CSMD1: variants seen among roughly 807,000 people sequenced by gnomAD.
The protein encoded by CSMD1 is CUB and Sushi multiple domains 1, also known as CUB and sushi domain-containing protein 1.
Under a neutral mutation model 417.5 loss-of-function variants are expected in CSMD1, and 213 were observed. That is an observed-to-expected ratio of 0.51 (90% confidence interval 0.46 to 0.57). The LOEUF is 0.57. CSMD1 is among the 20% of genes least tolerant of loss of function. The pLI is 0.00. For missense variants in CSMD1, 6,923 were observed against 4,529.7 expected, an observed-to-expected ratio of 1.53 and a Z score of -15.17; for synonymous variants, 2,862 against 1,736.8, an observed-to-expected ratio of 1.65 and a Z score of -16.11.
chr8:3,102,713 T>A (rs1815849429), intron 46 of CSMD1, among the ~76,000 whole-genome samples: 1 of 152,122 alleles, frequency 6.6e-6, no homozygotes, highest in Non-Finnish European at 1.5e-5. Context: ...CAGTTACATA[T>A]TAAAAGCTGA....
At chr8:4,078,591 T>C (rs1324266117) in intron 3 of CSMD1, among the ~76,000 whole-genome samples, 1 of 151,220 alleles carries the variant, frequency 6.6e-6, no homozygotes, top group Non-Finnish European at 1.5e-5. Flanking sequence ...ACATAAAATC[T>C]TCGTTATGAA....
At chr8:4,008,185 C>G (rs576431697) in intron 4 of CSMD1, among the ~76,000 whole-genome samples, 1 of 152,176 alleles carries the variant, frequency 6.6e-6, no homozygotes, top group South Asian at 2.1e-4. Context: ...TATGAGCAAG[C>G]TACAGGGCAG....
At chr8:4,683,915 G>T (rs531332235) in intron 1 of CSMD1, among the ~76,000 whole-genome samples, 5 of 152,192 alleles carry the variant, frequency 3.3e-5, no homozygotes, top group Non-Finnish European at 5.9e-5. Flanking sequence ...AGATATGTGA[G>T]CAGCATGTCA....
chr8:4,066,522 C>G (rs922198383), intron 3 of CSMD1, among the ~76,000 whole-genome samples: 2 of 152,090 alleles, frequency 1.3e-5, no homozygotes, highest in Non-Finnish European at 2.9e-5. Context: ...TGTATTATTT[C>G]TAAATGTATC....
intron 39 of CSMD1, 108 bp from the exon 40 acceptor site, chr8:3,151,621 T>C (rs1819201816): frequency 1.5e-6 from 1 of 682,864 alleles, no homozygotes; most frequent in South Asian, 1.8e-5. Context: ...GTCTTCGGAG[T>C]TAATTCTGCC....
At chr8:4,788,026 C>T in intron 1 of CSMD1, 1 of 1,589,562 alleles carries the variant, frequency 6.3e-7, no homozygotes, top group Non-Finnish European at 8.6e-7. Context: ...GAAGTAACTC[C>T]TGAAGGGCTC....
chr8:4,284,002 G>A (rs1398738920), intron 3 of CSMD1, among the ~76,000 whole-genome samples: 1 of 151,960 alleles, frequency 6.6e-6, no homozygotes, highest in African/African-American at 2.4e-5. Context: ...GGAGGCCGAG[G>A]AAGGTGAATC....
chr8:3,286,132 C>T (rs1011791294), intron 25 of CSMD1, among the ~76,000 whole-genome samples: 2 of 152,112 alleles, frequency 1.3e-5, no homozygotes, highest in South Asian at 2.1e-4. Flanking sequence ...CAGCTTCATC[C>T]ATGTCCCTAC....
At position 3,502,579 on chromosome 8, in the gene CSMD1, A is replaced by G. The variant is rs1585263705; in HGVS notation, c.1345-8853T>C. Among the ~76,000 whole-genome samples the G allele has an allele frequency of 2.0e-5, 3 of 152,172 alleles. No homozygotes were observed. In the South Asian group the frequency reaches 6.2e-4, roughly 32 times the overall value. Reference sequence around the variant, plus strand: ...ATGAGAAAACATGGGGGAAAACTAAATATATTTTACCAAGTGAAACAAGCC... The same window carrying G: ...ATGAGAAAACATGGGGGAAAACTAAGTATATTTTACCAAGTGAAACAAGCC... On this transcript the variant is annotated intron_variant, in intron 10 of 69. Coordinates refer to ENST00000635120, the MANE Select transcript of CSMD1 (RefSeq NM_033225.6).
chr8:4,280,358 T>G (rs796473394), intron 3 of CSMD1, among the ~76,000 whole-genome samples: 4 of 152,162 alleles, frequency 2.6e-5, no homozygotes, highest in Non-Finnish European at 4.4e-5. Flanking sequence ...TTCTAATAAA[T>G]AATAATTGAA....
At chr8:4,585,152 G>C (rs568349420) in intron 2 of CSMD1, among the ~76,000 whole-genome samples, 2 of 150,264 alleles carry the variant, frequency 1.3e-5, no homozygotes, top group South Asian at 2.1e-4. Context: ...AGATATTAAA[G>C]TTAGCAGAAG....
intron 8 of CSMD1, among the ~76,000 whole-genome samples, chr8:3,599,469 C>A (rs144138188): frequency 6.6e-6 from 1 of 151,928 alleles, no homozygotes; most frequent in Non-Finnish European, 1.5e-5. Context: ...TTAACCACAA[C>A]GCAGCATTAG....
At chr8:3,787,835 C>G (rs973553310) in intron 5 of CSMD1, among the ~76,000 whole-genome samples, 1 of 152,172 alleles carries the variant, frequency 6.6e-6, no homozygotes, top group African/African-American at 2.4e-5. Flanking sequence ...AGTGTCCTAT[C>G]TTGCAAAGCA....
chr8:3,952,715 C>G (rs770691431), intron 5 of CSMD1, among the ~76,000 whole-genome samples: 10 of 152,106 alleles, frequency 6.6e-5, no homozygotes, highest in Non-Finnish European at 1.2e-4. Flanking sequence ...CTAGATGTCA[C>G]TGAATTGGAC....
At chr8:4,968,677 A>G (rs944680221) in intron 1 of CSMD1, among the ~76,000 whole-genome samples, 1 of 152,168 alleles carries the variant, frequency 6.6e-6, no homozygotes, top group African/African-American at 2.4e-5. Flanking sequence ...AGACTTAGCT[A>G]TCTCTGCTTT....
chr8:4,971,946 T>G (rs148877707), intron 1 of CSMD1, among the ~76,000 whole-genome samples: 1 of 152,008 alleles, frequency 6.6e-6, no homozygotes, highest in African/African-American at 2.4e-5. Context: ...GGAGCAAACA[T>G]CATGCATTTG....
intron 8 of CSMD1, among the ~76,000 whole-genome samples, chr8:3,588,741 A>G (rs570033757): frequency 7.6e-6 from 1 of 130,900 alleles, no homozygotes; most frequent in Non-Finnish European, 1.8e-5. Context: ...GATGACATCA[A>G]ACTAAAACCC....
chr8:4,077,767 A>C (rs1799910685), intron 3 of CSMD1, among the ~76,000 whole-genome samples: 1 of 152,184 alleles, frequency 6.6e-6, no homozygotes. Context: ...GCCCTATGAT[A>C]AGCATTTTTC....
intron 1 of CSMD1, among the ~76,000 whole-genome samples, chr8:4,838,185 G>T (rs1482689163): frequency 2.0e-5 from 3 of 152,184 alleles, no homozygotes; most frequent in Non-Finnish European, 4.4e-5. Context: ...CTTGTGTGCA[G>T]TGTTCTCCCC....
Sources: allele counts gnomAD v4.1 joint callset (sites outside exome capture counted in the v4.1 genomes callset), GRCh38; gene constraint gnomAD v4.1.1; transcripts MANE v1.5; gene names NCBI Gene and HGNC (gene_info 2026-07-23, HGNC 2026-07-21).